The following SETD1B variants were observed in gnomAD, a reference collection of about 807,000 sequenced individuals.
The protein encoded by SETD1B is histone-lysine N-methyltransferase SETD1B.
A neutral mutation model predicts 148.0 loss-of-function variants in SETD1B; 7 were observed. The ratio of observed to expected loss-of-function variants is 0.05; its 90% confidence interval spans 0.03 to 0.09. SETD1B has a LOEUF of 0.09. Among genes scored for constraint, SETD1B ranks in the 10% least tolerant of loss-of-function variants. The probability of loss-of-function intolerance (pLI) is 1.00; values close to 1 mark genes in which losing one functional copy is unlikely to be tolerated. For missense variants in SETD1B, 2,155 were observed against 2,729.9 expected (o/e 0.79, Z 4.69); for synonymous variants, 1,361 against 1,186.5 (o/e 1.15, Z -3.02).
the SETD1B span, among the ~76,000 whole-genome samples, chr12:121,792,423 T>C: frequency 6.6e-6 from 1 of 152,066 alleles, no homozygotes; most frequent in Non-Finnish European, 1.5e-5. Context: ...TCCCAAGCAA[T>C]TGCACATAAA....
intron 7 of SETD1B, among the ~76,000 whole-genome samples, chr12:121,815,403 C>CA (rs1161363983): frequency 1.3e-5 from 2 of 151,598 alleles, no homozygotes; most frequent in Non-Finnish European, 2.9e-5. Context: ...AGACTGCCCC[C>CA]CCCGCCCATT....
In SETD1B at chr12:121,822,794, C is replaced by T. The variant is rs750068476; in HGVS notation, c.4215C>T (p.Gly1405=). ...CCCTGAGCTCTCCGCAAGTGCCCGG[C>T]AGCCCCTTCTCCTACCCAGCCCCGT... ...GLSLSSPQVP[G]SPFSYPAPSP... Residue 1405 remains glycine, a synonymous_variant, in exon 12 of 17, where the codon GGC becomes GGT. Transcript: ENST00000604567. 26 of 1,511,882 alleles carry T rather than the reference C, an allele frequency of 1.7e-5. No homozygotes were observed. The highest frequency in any genetic ancestry group is 2.3e-5 in the Non-Finnish European group (26 of 1,124,724). The allele number at this position is 1,511,882 out of a possible 1,614,324, so 93.7% of individuals were successfully genotyped here.
At chr12:121,793,291 G>T in the SETD1B span, 1 of 1,508,040 alleles carries the variant, frequency 6.6e-7, no homozygotes, top group Non-Finnish European at 9.0e-7. Context: ...GGGGGCCAAA[G>T]TTCCAGCTGA....
Position 121,814,929 on chromosome 12 carries a change from AGGTGGGTG to A in SETD1B, c.2715+8_2715+15del. ...TGGGACAAGAAGGAGCGGATGGCCA[AGGTGGGTG>A]GGTGGGTGCAGGGCTCTGCAGGGTG... On this transcript the variant is annotated splice_donor_variant and splice_donor_5th_base_variant and coding_sequence_variant and intron_variant, in exon 7 of 17. Transcript: ENST00000604567. LOFTEE classifies it high-confidence loss of function. The A allele has an allele frequency of 2.8e-6, 3 of 1,067,912 alleles. No homozygotes were observed. The allele number at this position is 1,067,912 out of a possible 1,614,324, so 66.2% of individuals were successfully genotyped here.
chr12:121,800,894 G>A (rs1408511928), upstream of SETD1B: 4 of 151,906 alleles, frequency 2.6e-5, no homozygotes, highest in African/African-American at 9.7e-5. Context: ...CGACCGGGGG[G>A]ACGGAGGAAA....
intron 7 of SETD1B, among the ~76,000 whole-genome samples, 161 bp from the exon 8 acceptor site, chr12:121,816,872 C>T (rs562096126): frequency 6.6e-6 from 1 of 152,270 alleles, no homozygotes; most frequent in Non-Finnish European, 1.5e-5. Context: ...TCTAGAGCCT[C>T]GTGGGTAACG....
chr12:121,823,790 C>G (rs1271380379), intron 12 of SETD1B, 41 bp downstream of exon 12: 1 of 1,504,204 alleles, frequency 6.6e-7, no homozygotes, highest in Non-Finnish European at 8.9e-7. Flanking sequence ...TTCTGGGATG[C>G]AGGAAGTCCC....
intron 4 of SETD1B, among the ~76,000 whole-genome samples, chr12:121,807,208 C>T (rs1394426214): frequency 6.6e-6 from 1 of 152,048 alleles, no homozygotes; most frequent in Non-Finnish European, 1.5e-5. Context: ...ACTTGCCGAG[C>T]CTGTGCCCGG....
intron 16 of SETD1B, 66 bp downstream of exon 16, chr12:121,828,136 AG>A: frequency 1.3e-6 from 2 of 1,527,416 alleles, no homozygotes. Flanking sequence ...CTGTGCCAGG[AG>A]GGCCTGGAAG....
rs1201168713 is a variant in SETD1B at position 121,805,776 on chromosome 12, T to G, written c.274-59T>G. On this transcript the variant is annotated intron_variant, in intron 3 of 16. Transcript: ENST00000604567. The surrounding 1 kb of genome is among the most constrained non-coding windows in gnomAD (Gnocchi z 4.2). ...GTTGCGGGCGGGGCGGGGGGGATGTTGTGTTTTCCCTTAGGTTTAAACGTT... is the reference window on the plus strand; with the variant it reads ...GTTGCGGGCGGGGCGGGGGGGATGTGGTGTTTTCCCTTAGGTTTAAACGTT... The G allele has an allele frequency of 6.7e-7, 1 of 1,484,684 alleles. No individual in the cohort carries two copies. Among genetic ancestry groups the G allele is most frequent in the Non-Finnish European group, 9.1e-7 (1 of 1,104,324 alleles). The allele number at this position is 1,484,684 out of a possible 1,614,324, so 92.0% of individuals were successfully genotyped here. A position where few individuals can be genotyped will look rare whatever the true frequency, so the allele number is the denominator to read the frequency against.
At chr12:121,825,476 GCTGGCACACAGAGGGTGCAA>G in intron 13 of SETD1B, 110 bp downstream of exon 13, 2 of 1,037,718 alleles carry the variant, frequency 1.9e-6, no homozygotes, top group Non-Finnish European at 2.7e-6. Context: ...GGCCAGAGGG[GCTGGCACACAGAGGGTGCAA>G]GTGGAAGGGG....
chr12:121,805,368 G>A lies in SETD1B; in HGVS notation c.273+152G>A, dbSNP rs1566545748. On this transcript the variant is annotated intron_variant, in intron 3 of 16. Transcript: ENST00000604567. This position sits in a 1 kb window ranked among gnomAD's most constrained non-coding sequence, Gnocchi z 4.2. The stretch of plus-strand genomic sequence containing the variant: ...GGGAGGGGTAGAGCGCTGGCGAGAG[G>A]GTGTCCCCTCTCAGCTACTGAAAAC... Among the ~76,000 whole-genome samples, 2 of 152,170 alleles carry A rather than the reference G, an allele frequency of 1.3e-5. No individual in the cohort carries two copies. Among genetic ancestry groups the A allele is most frequent in the East Asian group, 1.9e-4 (1 of 5,156 alleles).
Position 121,814,334 on chromosome 12 carries a change from C to T in SETD1B, c.2119C>T (p.Pro707Ser). The T allele has an allele frequency of 1.3e-6, 1 of 776,568 alleles. No individual in the cohort carries two copies. The highest frequency in any genetic ancestry group is 1.9e-6 in the Non-Finnish European group (1 of 538,456). The allele number at this position is 776,568 out of a possible 1,614,324, so 48.1% of individuals were successfully genotyped here. ...PPPQPGFPMP[P>S]PLPPPPPPPP... The stretch of plus-strand genomic sequence containing the variant: ...ACCGCAGCCTGGCTTCCCCATGCCC[C>T]CACCGCTGCCCCCACCGCCGCCCCC... Residue 707 changes from proline to serine, a missense_variant, in exon 7 of 17, where the codon CCA becomes TCA. Physicochemically the swap from Pro to Ser is moderately conservative, Grantham distance 74. Transcript: ENST00000604567.
Position 121,819,841 on chromosome 12 carries a change from C to T in SETD1B, c.3856C>T (p.Pro1286Ser). 3 of 1,551,436 alleles carry T rather than the reference C, an allele frequency of 1.9e-6. No individual in the cohort carries two copies. The highest frequency in any genetic ancestry group is 2.6e-6 in the Non-Finnish European group (3 of 1,146,914). ...QEGAMLLSPE[P>S]PAKEVEARPP... is the part of the protein sequence containing the mutation. ...AGGGGCCATGTTGCTGTCTCCAGAG[C>T]CCCCTGCCAAGGAGGTGGAGGCTCG... Residue 1286 changes from proline (P) to serine (S), a missense_variant, in exon 11 of 17, where the codon CCC becomes TCC. Pro to Ser is a moderately conservative substitution (Grantham distance 74). Transcript: ENST00000604567.
chr12:121,809,816 A>G lies in SETD1B; in HGVS notation c.871A>G (p.Ser291Gly). 1 of 1,551,450 alleles carries G rather than the reference A, an allele frequency of 6.4e-7. No homozygotes were observed. Among genetic ancestry groups the G allele is most frequent in the Non-Finnish European group, 8.7e-7 (1 of 1,146,946 alleles). The change falls in exon 6 of 17, where the codon AGC becomes GGC. Residue 291 changes from serine (S) to glycine (G), a missense_variant. Physicochemically the swap from Ser to Gly is moderately conservative, Grantham distance 56. This residue lies in a region of SETD1B where 376 missense variants were observed against 385.0 expected (regional missense o/e 0.98). Transcript: ENST00000604567. Reference protein sequence around the residue: ...TPFSQDSSYSSRQPTPSYLFS... With the variant: ...TPFSQDSSYSGRQPTPSYLFS... ...TTTCTCACAGGACTCCAGCTACTCC[A>G]GCCGCCAGCCCACACCCTCATACCT...
chr12:121,824,965 A>G (rs1264060423), intron 12 of SETD1B, among the ~76,000 whole-genome samples: 6 of 149,018 alleles, frequency 4.0e-5, no homozygotes, highest in Non-Finnish European at 7.4e-5. Context: ...CCTGGGCAAC[A>G]GGAGACCCTG....
upstream of SETD1B, chr12:121,801,974 A>T (rs1477965055): frequency 1.3e-5 from 2 of 152,122 alleles, no homozygotes; most frequent in African/African-American, 4.8e-5. Flanking sequence ...TCCAGTTTTA[A>T]TCTAGTTTCC....
chr12:121,808,339 G>C lies in SETD1B; in HGVS notation c.657+19G>C. 6.6e-7 allele frequency: 1 copy of C among 1,523,228 alleles called. No individual in the cohort carries two copies. The allele number at this position is 1,523,228 out of a possible 1,614,324, so 94.4% of individuals were successfully genotyped here. A position where few individuals can be genotyped will look rare whatever the true frequency, so the allele number is the denominator to read the frequency against. On this transcript the variant is annotated intron_variant, in intron 5 of 16. Transcript: ENST00000604567. This position sits in a 1 kb window ranked among gnomAD's most constrained non-coding sequence, Gnocchi z 5.3. ...CCTGCAGGTGGGTTTATGGCCGTCAGTCTGCCCCATCGCCAGCTCTTTGAT... is the reference window on the plus strand; with the variant it reads ...CCTGCAGGTGGGTTTATGGCCGTCACTCTGCCCCATCGCCAGCTCTTTGAT...
the SETD1B span, among the ~76,000 whole-genome samples, chr12:121,794,514 T>G: frequency 6.6e-6 from 1 of 152,146 alleles, no homozygotes; most frequent in Non-Finnish European, 1.5e-5. Flanking sequence ...CTCCTGGAGC[T>G]TTGGAGACTG....
Sources: allele counts gnomAD v4.1 joint callset (sites outside exome capture counted in the v4.1 genomes callset), GRCh38; gene constraint gnomAD v4.1.1; regional missense constraint gnomAD v4.1.1; non-coding constraint Gnocchi (gnomAD v3.1); transcripts MANE v1.5; gene names NCBI Gene and HGNC (gene_info 2026-07-23, HGNC 2026-07-21).